The following DAB1 variants were observed in gnomAD, a reference collection of about 807,000 sequenced individuals.
DAB1 encodes DAB adaptor protein 1.
A neutral mutation model predicts 64.6 loss-of-function variants in DAB1; 15 were observed. The ratio of observed to expected loss-of-function variants is 0.23; its 90% CI spans 0.16 to 0.36. The LOEUF (loss-of-function observed/expected upper bound fraction) is 0.36. Ranked by LOEUF, DAB1 falls within the 10% of genes least tolerant of loss-of-function variation. The probability of loss-of-function intolerance (pLI) is 1.00; values close to 1 mark genes in which losing one functional copy is unlikely to be tolerated. For missense variants in DAB1, 596 were observed against 706.7 expected, an observed-to-expected ratio of 0.84 and a Z score of 1.78; for synonymous variants, 235 against 251.9, an observed-to-expected ratio of 0.93 and a Z score of 0.64.
At chr1:58,343,603 G>C (rs1643964766) in intron 3 of DAB1, among the ~76,000 whole-genome samples, 1 of 152,210 alleles carries the variant, frequency 6.6e-6, no homozygotes, top group Non-Finnish European at 1.5e-5. Context: ...GAAAGACCCA[G>C]AATTCATGTT....
intron 1 of DAB1, among the ~76,000 whole-genome samples, chr1:57,355,083 C>T (rs1678960977): frequency 6.6e-6 from 1 of 152,092 alleles, no homozygotes; most frequent in African/African-American, 2.4e-5. Context: ...GAAACAACTA[C>T]ACGTTCTTTT....
At chr1:57,699,277 T>C (rs1340620257) in intron 6 of DAB1, among the ~76,000 whole-genome samples, 1 of 152,162 alleles carries the variant, frequency 6.6e-6, no homozygotes, top group Non-Finnish European at 1.5e-5. Context: ...TGCAACTTAC[T>C]AACATTTCAC....
intron 7 of DAB1, among the ~76,000 whole-genome samples, chr1:57,586,825 T>TA (rs1645386842): frequency 7.3e-6 from 1 of 137,424 alleles, no homozygotes; most frequent in African/African-American, 2.7e-5. Context: ...AAAAAAAAAG[T>TA]AAAAGAAAGA....
At chr1:57,272,651 A>G (rs1671104004) in intron 2 of DAB1, among the ~76,000 whole-genome samples, 1 of 152,210 alleles carries the variant, frequency 6.6e-6, no homozygotes, top group Non-Finnish European at 1.5e-5. Context: ...TAAATGGCAG[A>G]CTGACTGATC....
chr1:57,359,806 A>G (rs1017043741), intron 1 of DAB1, among the ~76,000 whole-genome samples: 4 of 152,072 alleles, frequency 2.6e-5, no homozygotes, highest in African/African-American at 7.2e-5. Context: ...GACCTGCAGG[A>G]CATCATGTTA....
intron 5 of DAB1, among the ~76,000 whole-genome samples, chr1:57,933,085 T>TA (rs1311046686): frequency 2.0e-5 from 3 of 152,210 alleles, no homozygotes; most frequent in African/African-American, 7.2e-5. Flanking sequence ...GCAGAGTTAT[T>TA]AGAGATAAAA....
intron 4 of DAB1, among the ~76,000 whole-genome samples, chr1:58,164,495 T>A (rs1251955781): frequency 6.6e-6 from 1 of 152,216 alleles, no homozygotes; most frequent in African/African-American, 2.4e-5. Flanking sequence ...ATGCAAAGGC[T>A]TTTCCAGTCG....
chr1:58,364,230 G>A (rs182945374), intron 3 of DAB1, among the ~76,000 whole-genome samples: 4 of 152,370 alleles, frequency 2.6e-5, no homozygotes, highest in Non-Finnish European at 5.9e-5. Context: ...CCTGTAAGGA[G>A]GTGTGAAGAG....
At chr1:58,255,721 C>A (rs1008964307) in intron 4 of DAB1, among the ~76,000 whole-genome samples, 1 of 152,150 alleles carries the variant, frequency 6.6e-6, no homozygotes, top group Non-Finnish European at 1.5e-5. Flanking sequence ...GGTCCCCCAA[C>A]GGCAAGAAAG....
At chr1:57,245,566 A>G (rs944685073) in intron 2 of DAB1, among the ~76,000 whole-genome samples, 1 of 152,138 alleles carries the variant, frequency 6.6e-6, no homozygotes, top group Non-Finnish European at 1.5e-5. Context: ...TTTGCTGAGA[A>G]TGATGGTTTC....
At chr1:57,319,778 T>C (rs991502026) in intron 1 of DAB1, among the ~76,000 whole-genome samples, 11 of 152,034 alleles carry the variant, frequency 7.2e-5, no homozygotes, top group African/African-American at 2.2e-4. Context: ...GTTGTCTTGC[T>C]TTGTGGGAGT....
chr1:57,437,035 CAAAAA>C (rs66682648), intron 7 of DAB1, among the ~76,000 whole-genome samples: 3 of 108,874 alleles, frequency 2.8e-5, no homozygotes, highest in African/African-American at 7.5e-5. Context: ...GACTCCGTCT[CAAAAA>C]AAAAAAAAAA....
chr1:57,297,029 G>C (rs1673252152), intron 1 of DAB1, among the ~76,000 whole-genome samples: 1 of 152,172 alleles, frequency 6.6e-6, no homozygotes, highest in Non-Finnish European at 1.5e-5. Context: ...AGGGGCAGAT[G>C]GATAGCATGT....
chr1:57,794,515 G>A (rs565276534), intron 6 of DAB1, among the ~76,000 whole-genome samples: 1 of 152,208 alleles, frequency 6.6e-6, no homozygotes, highest in South Asian at 2.1e-4. Context: ...TATCCTACAA[G>A]CCTCAGCCTT....
At chr1:57,602,698 C>A (rs556845016) in intron 7 of DAB1, among the ~76,000 whole-genome samples, 4 of 152,118 alleles carry the variant, frequency 2.6e-5, no homozygotes, top group Non-Finnish European at 4.4e-5. Flanking sequence ...ACCTAAGAGG[C>A]AAGAACTGAT....
chr1:57,581,397 C>T (rs1291831700), intron 7 of DAB1, among the ~76,000 whole-genome samples: 1 of 152,024 alleles, frequency 6.6e-6, no homozygotes, highest in Non-Finnish European at 1.5e-5. Flanking sequence ...TTTGCATGCC[C>T]CAAATCTGTA....
intron 5 of DAB1, among the ~76,000 whole-genome samples, chr1:58,073,277 C>T (rs1649388523): frequency 6.6e-6 from 1 of 152,196 alleles, no homozygotes; most frequent in Non-Finnish European, 1.5e-5. Flanking sequence ...TCTTTCCTCT[C>T]TCCTCTTTCC....
chr1:57,224,714 T>C (rs1176716269), intron 2 of DAB1, among the ~76,000 whole-genome samples: 2 of 152,248 alleles, frequency 1.3e-5, no homozygotes, highest in Non-Finnish European at 2.9e-5. Context: ...GTTCCTGGCA[T>C]AGAGCTTCCA....
At chr1:57,109,224 G>A (rs559671202) in intron 4 of DAB1, among the ~76,000 whole-genome samples, 1 of 152,240 alleles carries the variant, frequency 6.6e-6, no homozygotes, top group African/African-American at 2.4e-5. Flanking sequence ...AGCAGCCAGG[G>A]GCAACTCACC....
Sources: gnomAD v4.1 joint callset for allele counts (sites outside exome capture counted in the v4.1 genomes callset) on GRCh38, gnomAD v4.1.1 for gene constraint, MANE v1.5 for transcripts, NCBI Gene and HGNC (gene_info 2026-07-23, HGNC 2026-07-21) for gene names.